RRP1: variants seen among roughly 807,000 people sequenced by gnomAD.
The protein encoded by RRP1 is ribosomal RNA processing 1.
RRP1 carries 37 observed loss-of-function variants against 54.6 expected under a neutral mutation model. That is an observed-to-expected ratio of 0.68 (90% CI 0.52 to 0.89). The LOEUF (loss-of-function observed/expected upper bound fraction) is 0.89. Ranked by LOEUF, RRP1 falls within the 40% of genes least tolerant of loss-of-function variation. The pLI is 0.00. For missense variants in RRP1, 639 were observed against 612.5 expected (o/e 1.04, Z -0.46); for synonymous variants, 262 against 244.3 (o/e 1.07, Z -0.67).
chr21:43,804,562 C>A lies in RRP1; in HGVS notation c.*788C>A, dbSNP rs2085126100. 1 of 152,392 alleles carries A rather than the reference C, an allele frequency of 6.6e-6. No individual in the cohort carries two copies. The highest frequency in any genetic ancestry group is 1.5e-5 in the Non-Finnish European group (1 of 68,134). 9.4% of individuals were successfully genotyped at this position (152,392 alleles called of 1,614,324 possible). ...TGTGGCGACGGAGAGCTGACAGTAG[C>A]CCAGGGCTTTCCACCTGCATGGAAC... On this transcript the variant is annotated 3_prime_UTR_variant, in exon 13 of 13. Coordinates refer to ENST00000497547, the MANE Select transcript of RRP1 (RefSeq NM_003683.6). The surrounding 1 kb of genome is among the most constrained non-coding windows in gnomAD (Gnocchi z 4.3).
chr21:43,792,807 G>A, intron 3 of RRP1, 78 bp downstream of exon 3: 1 of 1,485,202 alleles, frequency 6.7e-7, no homozygotes, highest in African/African-American at 1.4e-5. Context: ...GACCCAGGAG[G>A]TTTGTGTTCT....
intron 1 of RRP1, among the ~76,000 whole-genome samples, 187 bp downstream of exon 1, chr21:43,789,949 C>T (rs1457715364): frequency 2.3e-5 from 3 of 131,268 alleles, no homozygotes; most frequent in African/African-American, 1.1e-4. Context: ...CGCTTTCCCT[C>T]GTGGTGCGGT....
chr21:43,794,627 G>T (rs746847118), intron 4 of RRP1, among the ~76,000 whole-genome samples: 1 of 152,166 alleles, frequency 6.6e-6, no homozygotes, highest in Non-Finnish European at 1.5e-5. Flanking sequence ...TAGCCTAAAG[G>T]GGGGACAACT....
intron 4 of RRP1, among the ~76,000 whole-genome samples, chr21:43,793,797 G>A (rs2084985929): frequency 6.6e-6 from 1 of 152,220 alleles, no homozygotes; most frequent in Non-Finnish European, 1.5e-5. Context: ...AGCCTGCGAG[G>A]CTGGGATGGA....
chr21:43,791,482 G>A (rs759624726), intron 2 of RRP1, 50 bp downstream of exon 2: 9 of 1,536,080 alleles, frequency 5.9e-6, no homozygotes, highest in Non-Finnish European at 8.1e-6. Context: ...GGGGAGGATG[G>A]ATGGGCATCT....
Position 43,789,666 on chromosome 21 carries a change from C to G in RRP1, c.37C>G (p.Leu13Val), listed in dbSNP as rs756401494. Residue 13 changes from leucine (L) to valine (V), a missense_variant, in exon 1 of 13, where the codon CTG becomes GTG. By Grantham distance (32) the Leu-to-Val change is conservative. Transcript: ENST00000497547. The part of the protein sequence containing the change: ...SRVQLPPEIQ[L>V]AQRLAGNEQV... ...CGTGCAGCTCCCGCCTGAGATCCAG[C>G]TGGCTCAGCGCCTGGCGGGGAATGA... is the stretch of plus-strand genomic sequence containing the variant. 3 of 1,578,646 alleles carry G rather than the reference C, an allele frequency of 1.9e-6. No individual in the cohort carries two copies. The highest frequency in any genetic ancestry group is 1.7e-6 in the Non-Finnish European group (2 of 1,163,710).
chr21:43,791,083 G>A, intron 1 of RRP1: 2 of 572,894 alleles, frequency 3.5e-6, no homozygotes, highest in South Asian at 3.1e-5. Context: ...TTCCAAAATG[G>A]AGTATGGTGC....
Position 43,803,687 on chromosome 21 carries a change from A to G in RRP1, c.1299A>G (p.Arg433=), listed in dbSNP as rs1028081274. ...GTGGCCAGAGAGGGGCTCGCCAGAG[A>G]AGGAGGACACCTCGGCCCCTGACCA... is the stretch of plus-strand genomic sequence containing the variant. The part of the protein sequence containing the change: ...RGRGQRGARQ[R]RRTPRPLTSA... Residue 433 remains arginine, a synonymous_variant, in exon 13 of 13, where the codon AGA becomes AGG. Coordinates refer to ENST00000497547, the MANE Select transcript of RRP1 (RefSeq NM_003683.6). 1.0e-5 allele frequency: 16 copies of G among 1,553,694 alleles called. No individual in the cohort carries two copies. In the South Asian group the frequency reaches 1.3e-4, roughly 13 times the overall value.
chr21:43,796,266 C>T (rs1429242363), intron 5 of RRP1, among the ~76,000 whole-genome samples: 1 of 152,042 alleles, frequency 6.6e-6, no homozygotes, highest in African/African-American at 2.4e-5. Context: ...TTCTTCTATT[C>T]CCTGGCAGGA....
intron 8 of RRP1, among the ~76,000 whole-genome samples, chr21:43,798,715 G>A (rs758876231): frequency 7.9e-5 from 12 of 152,048 alleles, no homozygotes; most frequent in Non-Finnish European, 1.2e-4. Context: ...GTGGGCAGCC[G>A]TGGGGTCCAG....
intron 5 of RRP1, among the ~76,000 whole-genome samples, chr21:43,795,996 T>C (rs6518321): frequency 0.27 from 41,457 of 152,092 alleles, 7,199 homozygotes; most frequent in African/African-American, 0.49. Flanking sequence ...AAAAATTAGA[T>C]AAATGCATAG....
intron 12 of RRP1, among the ~76,000 whole-genome samples, 154 bp from the exon 13 acceptor site, chr21:43,803,358 G>C (rs546860683): frequency 5.9e-5 from 9 of 152,286 alleles, no homozygotes; most frequent in African/African-American, 2.2e-4. Flanking sequence ...ATGGAGCTTG[G>C]CGCCCACACT....
intron 9 of RRP1, among the ~76,000 whole-genome samples, 154 bp from the exon 10 acceptor site, chr21:43,800,363 C>T (rs1601873496): frequency 6.6e-6 from 1 of 152,158 alleles, no homozygotes; most frequent in Non-Finnish European, 1.5e-5. Context: ...GGTGGAGCTG[C>T]AGGACCCTCA....
intron 4 of RRP1, among the ~76,000 whole-genome samples, chr21:43,794,753 C>G (rs1383971841): frequency 6.6e-6 from 1 of 152,164 alleles, no homozygotes; most frequent in Non-Finnish European, 1.5e-5. Context: ...ACATTCTGCC[C>G]GTTGCGGGGG....
At position 43,797,478 on chromosome 21, in the gene RRP1, A is replaced by C; in HGVS notation, c.479A>C (p.Gln160Pro). The change falls in exon 6 of 13, where the codon CAG (glutamine) becomes CCG (proline). Residue 160 changes from glutamine to proline, a missense_variant. Transcript: ENST00000497547. ...LMTEILHPSS[Q>P]APNGVKSHFI... ...ACTGAGATCCTGCACCCCAGCAGCCAGGCCCCCAACGGTGTGAAGAGCCAC... is the reference window on the plus strand; with the variant it reads ...ACTGAGATCCTGCACCCCAGCAGCCCGGCCCCCAACGGTGTGAAGAGCCAC... 2 of 1,613,884 alleles carry C rather than the reference A, an allele frequency of 1.2e-6. No homozygotes were observed. The highest frequency in any genetic ancestry group is 2.2e-5 in the South Asian group (2 of 91,082).
At chr21:43,803,438 C>G in intron 12 of RRP1, 74 bp from the exon 13 acceptor site, 1 of 1,470,588 alleles carries the variant, frequency 6.8e-7, no homozygotes, top group Non-Finnish European at 9.1e-7. Context: ...CTGGCATCCT[C>G]AGCCTGAGTT....
chr21:43,800,744 G>A, intron 10 of RRP1, 118 bp from the exon 11 acceptor site: 1 of 1,488,856 alleles, frequency 6.7e-7, no homozygotes, highest in Non-Finnish European at 9.1e-7. Context: ...AGGACCCTGA[G>A]ACCGTCCCCA....
At chr21:43,797,824 G>A (rs1176111744) in intron 7 of RRP1, 83 bp from the exon 8 acceptor site, 8 of 1,567,706 alleles carry the variant, frequency 5.1e-6, no homozygotes, top group Non-Finnish European at 7.0e-6. Context: ...TGTGGGTGGG[G>A]AGAGGTTGCA....
chr21:43,792,554 G>C (rs1423877834), intron 2 of RRP1, 118 bp from the exon 3 acceptor site: 1 of 1,000,494 alleles, frequency 1.0e-6, no homozygotes, highest in East Asian at 2.4e-5. Flanking sequence ...AGACCCCCTG[G>C]AAGCCGACTC....
Sources: gnomAD v4.1 joint callset for allele counts (sites outside exome capture counted in the v4.1 genomes callset) on GRCh38, gnomAD v4.1.1 for gene constraint, Gnocchi (gnomAD v3.1) non-coding constraint, MANE v1.5 for transcripts, NCBI Gene and HGNC (gene_info 2026-07-23, HGNC 2026-07-21) for gene names.